Variants in MYCT1 observed in about 807,000 individuals in gnomAD.
MYCT1 encodes the protein MYC target 1, also known as myc target protein 1.
Under a neutral mutation model 15.0 loss-of-function variants are expected in MYCT1, and 12 were observed. The ratio of observed to expected loss-of-function variants is 0.80; its 90% CI spans 0.51 to 1.29. MYCT1 has a LOEUF of 1.29. MYCT1 is among the 50% of genes most tolerant of loss of function. MYCT1 has a pLI of 0.00. For synonymous variants in MYCT1, 104 were observed against 102.7 expected (o/e 1.01, Z -0.07); for missense variants, 287 against 279.1 (o/e 1.03, Z -0.20).
chr6:152,719,480 A>G (rs1403823067), intron 1 of MYCT1, among the ~76,000 whole-genome samples: 1 of 152,216 alleles, frequency 6.6e-6, no homozygotes, highest in Admixed American at 6.5e-5. Context: ...AGCCACAACT[A>G]TTAAATGGGA....
At chr6:152,742,342 G>A in the MYCT1 span, among the ~76,000 whole-genome samples, 2 of 152,142 alleles carry the variant, frequency 1.3e-5, no homozygotes, top group South Asian at 4.1e-4. Context: ...GGAGGAAATG[G>A]TATGTGTGAA....
At chr6:152,731,131 T>G in the MYCT1 span, among the ~76,000 whole-genome samples, 3 of 152,022 alleles carry the variant, frequency 2.0e-5, no homozygotes, top group Non-Finnish European at 2.9e-5. Context: ...AATCCTACCT[T>G]CAAGTCAATA....
chr6:152,707,809 G>A (rs1231670007), intron 1 of MYCT1, among the ~76,000 whole-genome samples: 1 of 152,018 alleles, frequency 6.6e-6, no homozygotes, highest in Non-Finnish European at 1.5e-5. Context: ...TGTCACAAAT[G>A]CATGGATTTA....
the MYCT1 span, among the ~76,000 whole-genome samples, chr6:152,738,083 C>T: frequency 2.0e-5 from 3 of 151,896 alleles, no homozygotes; most frequent in Non-Finnish European, 4.4e-5. Context: ...GTGGGGAAAA[C>T]CATGGGTCTT....
At chr6:152,706,088 T>C in intron 1 of MYCT1, 5 of 1,520,324 alleles carry the variant, frequency 3.3e-6, no homozygotes, top group Non-Finnish European at 3.6e-6. Flanking sequence ...ATGGGTGCAA[T>C]GGGTGGAATG....
the MYCT1 span, among the ~76,000 whole-genome samples, chr6:152,734,560 T>A: frequency 6.6e-6 from 1 of 152,328 alleles, no homozygotes; most frequent in East Asian, 1.9e-4. Context: ...GTGACTCATT[T>A]GTCCTTTCTC....
At chr6:152,707,152 C>T (rs748749560) in intron 1 of MYCT1, among the ~76,000 whole-genome samples, 21 of 152,078 alleles carry the variant, frequency 1.4e-4, no homozygotes, top group Admixed American at 5.2e-4. Context: ...TTCTCCACAT[C>T]CTCACCAGCA....
chr6:152,715,859 G>C (rs945913744), intron 1 of MYCT1, among the ~76,000 whole-genome samples: 1 of 152,206 alleles, frequency 6.6e-6, no homozygotes, highest in Non-Finnish European at 1.5e-5. Flanking sequence ...ACAGAGCTCA[G>C]TGACCCAAAG....
At chr6:152,706,414 T>C (rs2099722263) in intron 1 of MYCT1, among the ~76,000 whole-genome samples, 1 of 152,202 alleles carries the variant, frequency 6.6e-6, no homozygotes, top group Non-Finnish European at 1.5e-5. Context: ...AATGTACTGC[T>C]TTCAACTTAA....
rs909303861 is a variant in MYCT1 at position 152,722,764 on chromosome 6, G to T, written c.*511G>T. On this transcript the variant is annotated 3_prime_UTR_variant, in exon 2 of 2. Transcript: ENST00000367245. ...TTCTTTTTTTTTCTTTTGAGACAGG[G>T]TCTTGATCCGTCGCCCAGGCGGGAG... The T allele has an allele frequency of 1.7e-5, 7 of 413,558 alleles. No individual in the cohort carries two copies. 25.6% of individuals were successfully genotyped at this position (413,558 alleles called of 1,614,324 possible).
chr6:152,707,893 C>G (rs905595507), intron 1 of MYCT1, among the ~76,000 whole-genome samples: 1 of 151,918 alleles, frequency 6.6e-6, no homozygotes, highest in South Asian at 2.1e-4. Flanking sequence ...GCTGTTTTGA[C>G]TATTATAGCT....
rs528604859 is a variant in MYCT1 at position 152,707,598 on chromosome 6, T to G, written c.196+9500T>G. Among the ~76,000 whole-genome samples the G allele has an allele frequency of 2.7e-5, 4 of 150,482 alleles. No homozygotes were observed. The East Asian group carries it at 7.9e-4, about 30-fold the overall frequency. ...AGATCAATATCAAGCTTTTTCCCTATGTTGTCCTCTAGTAGTTTTTTGGGT... is the reference window on the plus strand; with the variant it reads ...AGATCAATATCAAGCTTTTTCCCTAGGTTGTCCTCTAGTAGTTTTTTGGGT... On this transcript the variant is annotated intron_variant, in intron 1 of 1. Transcript: ENST00000367245.
intron 1 of MYCT1, among the ~76,000 whole-genome samples, chr6:152,700,713 T>C (rs1300298244): frequency 6.6e-6 from 1 of 152,144 alleles, no homozygotes; most frequent in African/African-American, 2.4e-5. Context: ...ATTTGCCATG[T>C]CCTCCTCTAA....
chr6:152,728,369 G>A (rs1471267363), downstream of MYCT1, among the ~76,000 whole-genome samples: 1 of 152,116 alleles, frequency 6.6e-6, no homozygotes, highest in Non-Finnish European at 1.5e-5. Flanking sequence ...TATGATGGGA[G>A]TAGCCTAAGG....
At chr6:152,712,981 T>C (rs1345845925) in intron 1 of MYCT1, among the ~76,000 whole-genome samples, 1 of 152,098 alleles carries the variant, frequency 6.6e-6, no homozygotes, top group East Asian at 1.9e-4. Flanking sequence ...CCTCATTTAT[T>C]CAAAATGTTT....
the MYCT1 span, among the ~76,000 whole-genome samples, chr6:152,731,259 AC>A: frequency 2.6e-5 from 4 of 151,168 alleles, no homozygotes; most frequent in Middle Eastern, 3.4e-3. Flanking sequence ...GTGAAATAGG[AC>A]AAAGAATATT....
the MYCT1 span, among the ~76,000 whole-genome samples, chr6:152,733,663 C>A: frequency 2.0e-5 from 3 of 152,164 alleles, no homozygotes; most frequent in African/African-American, 7.2e-5. Context: ...GAAGCTCTAA[C>A]CCATTTTGAC....
chr6:152,724,317 T>G lies in MYCT1; in HGVS notation c.*2064T>G, dbSNP rs565094829. The G allele has an allele frequency of 6.6e-6, 1 of 152,040 alleles. No homozygotes were observed. Among genetic ancestry groups the G allele is most frequent in the East Asian group, 1.9e-4 (1 of 5,176 alleles). 9.4% of individuals were successfully genotyped at this position (152,040 alleles called of 1,614,324 possible). A position where few individuals can be genotyped will look rare whatever the true frequency, so the allele number is the denominator to read the frequency against. On this transcript the variant is annotated 3_prime_UTR_variant, in exon 2 of 2. Transcript: ENST00000367245. ...AAAGAGTATGGTTTTTATCAAGAAT[T>G]TGTGTTGGGAGTAAAAACTGCTTTA...
At position 152,697,941 on chromosome 6, in the gene MYCT1, T is replaced by C; in HGVS notation, c.39T>C (p.Tyr13=). 1 of 1,602,146 alleles carries C rather than the reference T, an allele frequency of 6.2e-7. No individual in the cohort carries two copies. ...TQVYEGLCKN[Y]FSLAVLQRDR... is the part of the protein sequence containing the mutation. ...TATATGAGGGGTTGTGTAAAAATTA[T>C]TTTTCTCTTGCTGTACTACAAAGAG... Residue 13 remains tyrosine, a synonymous_variant, in exon 1 of 2, where the codon TAT becomes TAC. Coordinates refer to ENST00000367245, the MANE Select transcript of MYCT1 (RefSeq NM_025107.3).
Sources: gnomAD v4.1 joint callset for allele counts (sites outside exome capture counted in the v4.1 genomes callset) on GRCh38, gnomAD v4.1.1 for gene constraint, MANE v1.5 for transcripts, NCBI Gene and HGNC (gene_info 2026-07-23, HGNC 2026-07-21) for gene names.